The following CLVS1 variants were observed in gnomAD, a reference collection of about 807,000 sequenced individuals.
CLVS1 encodes clavesin 1, also known as clavesin-1.
In CLVS1, 10 loss-of-function variants were observed where a neutral mutation model predicts 33.1. The ratio of observed to expected loss-of-function variants is 0.30; its 90% confidence interval spans 0.19 to 0.51. The LOEUF (loss-of-function observed/expected upper bound fraction) is 0.51. CLVS1 is among the 20% of genes least tolerant of loss of function. The pLI, the probability that CLVS1 is intolerant of heterozygous loss-of-function variation, is 0.97. For synonymous variants in CLVS1, 163 were observed against 166.1 expected (o/e 0.98, Z 0.14); for missense variants, 343 against 433.4 (o/e 0.79, Z 1.85).
intron 3 of CLVS1, among the ~76,000 whole-genome samples, chr8:61,417,944 C>G (rs1218200222): frequency 6.6e-6 from 1 of 152,232 alleles, no homozygotes; most frequent in Non-Finnish European, 1.5e-5. Context: ...GTCTTATCCC[C>G]TGGTCCCAGA....
At chr8:61,106,462 T>C (rs1451373526) in intron 1 of CLVS1, among the ~76,000 whole-genome samples, 1 of 152,198 alleles carries the variant, frequency 6.6e-6, no homozygotes, top group East Asian at 1.9e-4. Context: ...AAAACAATCC[T>C]GGAACAGGCT....
At chr8:61,317,409 C>G (rs911727333) in intron 2 of CLVS1, among the ~76,000 whole-genome samples, 5 of 152,112 alleles carry the variant, frequency 3.3e-5, no homozygotes, top group African/African-American at 1.2e-4. Context: ...TAGGCTATTT[C>G]CAATTTTTCA....
At chr8:61,239,595 G>T (rs1808649572) in intron 2 of CLVS1, among the ~76,000 whole-genome samples, 1 of 152,024 alleles carries the variant, frequency 6.6e-6, no homozygotes, top group Admixed American at 6.6e-5. Context: ...AATTAGCTGG[G>T]CATGGTGGCT....
At chr8:61,285,641 G>A (rs1242007364), upstream of CLVS1, among the ~76,000 whole-genome samples, 1 of 152,174 alleles carries the variant, frequency 6.6e-6, no homozygotes. Context: ...AAAGGGCACT[G>A]TTAATGTTGG....
chr8:61,418,755 C>G (rs935246670), intron 3 of CLVS1, among the ~76,000 whole-genome samples: 1 of 152,184 alleles, frequency 6.6e-6, no homozygotes, highest in Non-Finnish European at 1.5e-5. Context: ...AATTAGGTCA[C>G]TCAACTTACT....
intron 5 of CLVS1, among the ~76,000 whole-genome samples, chr8:61,497,701 TA>T (rs1804316578): frequency 6.6e-6 from 1 of 152,032 alleles, no homozygotes; most frequent in African/African-American, 2.4e-5. Context: ...GGGAAGTCCA[TA>T]GAGTAAAGTG....
At chr8:61,371,145 C>T (rs1051099849) in intron 2 of CLVS1, among the ~76,000 whole-genome samples, 1 of 152,154 alleles carries the variant, frequency 6.6e-6, no homozygotes, top group Non-Finnish European at 1.5e-5. Context: ...TCACCACATC[C>T]ATGCCAACAA....
chr8:61,072,273 T>C lies in CLVS1; in HGVS notation c.-243+15043T>C, dbSNP rs183866969. ...TCCACTTCCCCGCTCTGTGGCATTT[T>C]TCTTTGTTAATCTTATCCCCTTATA... On this transcript the variant is annotated intron_variant, in intron 1 of 2. Transcript: ENST00000522621. 4.6e-5 allele frequency among the ~76,000 whole-genome samples: 7 copies of C among 152,338 alleles called. 1 individual carries two copies. In the East Asian group the frequency reaches 9.6e-4, roughly 21 times the overall value.
Position 61,420,256 on chromosome 8 carries a change from G to T in CLVS1, c.631-33885G>T, listed in dbSNP as rs369259761. 5.5e-4 allele frequency among the ~76,000 whole-genome samples: 84 copies of T among 152,178 alleles called. 1 individual carries two copies. In the Middle Eastern group the frequency reaches 0.027, roughly 49 times the overall value. ...TTGCTACAAAAAGCATGTGACAGAC[G>T]GTCTGACATATGGTAAATACCCAGT... On this transcript the variant is annotated intron_variant, in intron 3 of 5. Coordinates refer to ENST00000325897, the MANE Select transcript of CLVS1 (RefSeq NM_173519.3).
chr8:61,350,834 G>A (rs1327684447), intron 2 of CLVS1, among the ~76,000 whole-genome samples: 1 of 152,078 alleles, frequency 6.6e-6, no homozygotes, highest in African/African-American at 2.4e-5. Context: ...TCCTGTGATG[G>A]CTTCTGCACC....
chr8:61,440,520 C>T (rs919552820), intron 3 of CLVS1, among the ~76,000 whole-genome samples: 5 of 152,222 alleles, frequency 3.3e-5, no homozygotes, highest in Non-Finnish European at 5.9e-5. Flanking sequence ...TTCCTTCCGT[C>T]ATTCTTCCTT....
chr8:61,402,934 T>G (rs1814827575), intron 3 of CLVS1, among the ~76,000 whole-genome samples: 1 of 152,172 alleles, frequency 6.6e-6, no homozygotes, highest in Non-Finnish European at 1.5e-5. Context: ...AGTTTGAGTG[T>G]GTGTGCGTGC....
chr8:61,215,562 T>G (rs927212434), intron 2 of CLVS1, among the ~76,000 whole-genome samples: 1 of 152,112 alleles, frequency 6.6e-6, no homozygotes, highest in Admixed American at 6.6e-5. Flanking sequence ...AAAATCAAGT[T>G]TGCACTTTAA....
chr8:61,385,273 T>A (rs1201146122), intron 3 of CLVS1, among the ~76,000 whole-genome samples: 1 of 152,152 alleles, frequency 6.6e-6, no homozygotes, highest in Non-Finnish European at 1.5e-5. Context: ...AAAGAAGAGA[T>A]CTCTGCCTCT....
At chr8:60,968,897 T>C in the CLVS1 span, among the ~76,000 whole-genome samples, 2 of 150,910 alleles carry the variant, frequency 1.3e-5, no homozygotes, top group African/African-American at 4.9e-5. Context: ...TCAAAAAAAA[T>C]AAATAAATAA....
At chr8:61,252,895 A>T (rs1808983230) in intron 2 of CLVS1, among the ~76,000 whole-genome samples, 1 of 152,142 alleles carries the variant, frequency 6.6e-6, no homozygotes, top group Non-Finnish European at 1.5e-5. Flanking sequence ...TGTATCTTTT[A>T]ACTGGGGCAT....
chr8:61,464,224 G>A (rs1236122158), intron 5 of CLVS1, among the ~76,000 whole-genome samples: 2 of 152,178 alleles, frequency 1.3e-5, no homozygotes, highest in African/African-American at 4.8e-5. Flanking sequence ...CCTTCAAGGT[G>A]TACAAAGTAC....
intron 3 of CLVS1, among the ~76,000 whole-genome samples, chr8:61,447,634 A>G (rs2129606651): frequency 6.6e-6 from 1 of 152,150 alleles, no homozygotes; most frequent in South Asian, 2.1e-4. Context: ...AGTTCAAGTG[A>G]AGTATGGAAA....
chr8:61,036,069 A>G, the CLVS1 span, among the ~76,000 whole-genome samples: 1 of 152,040 alleles, frequency 6.6e-6, no homozygotes, highest in South Asian at 2.1e-4. Context: ...TCTACACCAC[A>G]CTTACATTCT....
Sources: gnomAD v4.1 joint callset for allele counts (sites outside exome capture counted in the v4.1 genomes callset) on GRCh38, gnomAD v4.1.1 for gene constraint, MANE v1.5 for transcripts, NCBI Gene and HGNC (gene_info 2026-07-23, HGNC 2026-07-21) for gene names.